The following CACNB2 variants were observed in gnomAD, a reference collection of about 807,000 sequenced individuals.
CACNB2 encodes voltage-dependent L-type calcium channel subunit beta-2.
In CACNB2, 42 loss-of-function variants were observed where a neutral mutation model predicts 73.3. The ratio of observed to expected loss-of-function variants is 0.57; its 90% CI spans 0.45 to 0.74. The LOEUF (loss-of-function observed/expected upper bound fraction) is 0.74, where lower values mean the gene tolerates loss of function less well. CACNB2 is among the 30% of genes least tolerant of loss of function. CACNB2 has a pLI of 0.00. For missense variants in CACNB2, 940 were observed against 853.0 expected (o/e 1.10, Z -1.27); for synonymous variants, 348 against 310.3 (o/e 1.12, Z -1.28).
chr10:18,211,690 C>T, intron 2 of CACNB2, among the ~76,000 whole-genome samples: 1 of 152,160 alleles, frequency 6.6e-6, no homozygotes, highest in East Asian at 1.9e-4. Flanking sequence ...TAGCGGAATA[C>T]TGTAGTGTGC....
At chr10:18,465,254 T>C (rs2132707066) in intron 3 of CACNB2, among the ~76,000 whole-genome samples, 1 of 152,298 alleles carries the variant, frequency 6.6e-6, no homozygotes, top group South Asian at 2.1e-4. Context: ...TGCTTGAACC[T>C]GGGAGTGGGA....
At chr10:18,533,989 A>C (rs187182606) in intron 10 of CACNB2, 87 bp from the exon 11 acceptor site, 1 of 1,264,484 alleles carries the variant, frequency 7.9e-7, no homozygotes, top group East Asian at 2.3e-5. Context: ...TGGCTGACCT[A>C]CTCACCTTTC....
At chr10:18,507,024 C>A (rs572163118) in intron 6 of CACNB2, among the ~76,000 whole-genome samples, 9 of 152,288 alleles carry the variant, frequency 5.9e-5, no homozygotes, top group Non-Finnish European at 1.2e-4. Flanking sequence ...GTCTCGAACT[C>A]CTGAGTTCAA....
In CACNB2 at chr10:18,459,626, C is replaced by T. The variant is rs550503082; in HGVS notation, c.334-38729C>T. Among the ~76,000 whole-genome samples the T allele has an allele frequency of 1.3e-4, 20 of 152,272 alleles. No individual in the cohort carries two copies. The South Asian group carries it at 4.1e-3, about 32-fold the overall frequency. Reference sequence around the variant, plus strand: ...TTCTCCCTTTTTTATTATTATGTATCATATTATTGCTAACTAAAAAGATCC... The same window carrying T: ...TTCTCCCTTTTTTATTATTATGTATTATATTATTGCTAACTAAAAAGATCC... On this transcript the variant is annotated intron_variant, in intron 3 of 13. Coordinates refer to ENST00000324631, the MANE Select transcript of CACNB2 (RefSeq NM_201596.3).
chr10:18,353,646 G>A (rs188115526), intron 2 of CACNB2, among the ~76,000 whole-genome samples: 1 of 152,276 alleles, frequency 6.6e-6, no homozygotes, highest in Admixed American at 6.5e-5. Flanking sequence ...GCACATGGTT[G>A]ATAAGAAAGA....
At chr10:18,180,088 G>A (rs892928753) in intron 2 of CACNB2, among the ~76,000 whole-genome samples, 2 of 152,150 alleles carry the variant, frequency 1.3e-5, no homozygotes, top group South Asian at 4.1e-4. Context: ...GTATCAGCGT[G>A]TATTTATGCA....
At chr10:18,358,537 TCTCTCTCTCTCTCTCG>T (rs1225607922) in intron 2 of CACNB2, among the ~76,000 whole-genome samples, 840 of 34,330 alleles carry the variant, frequency 0.024, 36 homozygotes, top group Middle Eastern at 0.043. Flanking sequence ...TCTCTCTCTC[TCTCTCTCTCTCTCTCG>T]CTCTCTCTCT....
chr10:18,460,658 A>G (rs1288645709), intron 3 of CACNB2, among the ~76,000 whole-genome samples: 1 of 152,112 alleles, frequency 6.6e-6, no homozygotes, highest in Non-Finnish European at 1.5e-5. Flanking sequence ...TGGGAGGTCA[A>G]GGCGGGAAGA....
chr10:18,224,067 GCTT>G (rs1332430420), intron 2 of CACNB2, among the ~76,000 whole-genome samples: 1 of 151,740 alleles, frequency 6.6e-6, no homozygotes, highest in East Asian at 1.9e-4. Flanking sequence ...GATAAGGACT[GCTT>G]TTAGGTGGCC....
intron 3 of CACNB2, among the ~76,000 whole-genome samples, chr10:18,497,104 C>G (rs556791235): frequency 6.7e-6 from 1 of 149,912 alleles, no homozygotes; most frequent in Non-Finnish European, 1.5e-5. Context: ...CCAAGCTACT[C>G]GGGAGGCTGA....
intron 1 of CACNB2, chr10:18,141,128 T>C: frequency 6.5e-7 from 1 of 1,546,954 alleles, no homozygotes; most frequent in Middle Eastern, 1.8e-4. Flanking sequence ...TTCTCCCGGG[T>C]TGCTCCAGCT....
At chr10:18,230,228 G>A (rs2036173070) in intron 2 of CACNB2, among the ~76,000 whole-genome samples, 1 of 152,176 alleles carries the variant, frequency 6.6e-6, no homozygotes, top group African/African-American at 2.4e-5. Context: ...AGAAGAAAAA[G>A]TAATAGAAAT....
intron 2 of CACNB2, among the ~76,000 whole-genome samples, chr10:18,221,944 G>C (rs1192808931): frequency 6.6e-6 from 1 of 152,190 alleles, no homozygotes; most frequent in Non-Finnish European, 1.5e-5. Flanking sequence ...CTTTATAGAA[G>C]TATTTCATCT....
intron 4 of CACNB2, among the ~76,000 whole-genome samples, chr10:18,500,399 G>T (rs143058429): frequency 6.6e-6 from 1 of 152,100 alleles, no homozygotes; most frequent in Non-Finnish European, 1.5e-5. Context: ...AATATTTAAG[G>T]TACACTTCAA....
intron 2 of CACNB2, among the ~76,000 whole-genome samples, chr10:18,383,450 G>A (rs886295880): frequency 3.3e-5 from 5 of 152,158 alleles, no homozygotes; most frequent in Non-Finnish European, 5.9e-5. Context: ...CTAGGGTTGT[G>A]GTAGTGGAGT....
At chr10:18,158,225 G>A (rs1488569071) in intron 2 of CACNB2, among the ~76,000 whole-genome samples, 5 of 152,202 alleles carry the variant, frequency 3.3e-5, no homozygotes, top group African/African-American at 1.2e-4. Flanking sequence ...TCTGGGTAAA[G>A]TTAGGCATAT....
At chr10:18,504,859 G>C (rs1385856045) in intron 5 of CACNB2, among the ~76,000 whole-genome samples, 1 of 152,160 alleles carries the variant, frequency 6.6e-6, no homozygotes, top group Non-Finnish European at 1.5e-5. Flanking sequence ...TGGCCAGGCT[G>C]GTCTCAAACT....
chr10:18,201,251 C>T (rs151120966), intron 2 of CACNB2, among the ~76,000 whole-genome samples: 11 of 151,416 alleles, frequency 7.3e-5, no homozygotes, highest in Non-Finnish European at 1.0e-4. Flanking sequence ...TCTCACATAC[C>T]TGCCTTATAA....
intron 3 of CACNB2, among the ~76,000 whole-genome samples, chr10:18,481,281 C>CAG (rs2048758969): frequency 5.4e-5 from 5 of 93,014 alleles, no homozygotes; most frequent in Admixed American, 3.3e-4. Context: ...GAGTCTTGCT[C>CAG]TGTCTCCCAG....
Sources: gnomAD v4.1 joint callset for allele counts (sites outside exome capture counted in the v4.1 genomes callset) on GRCh38, gnomAD v4.1.1 for gene constraint, MANE v1.5 for transcripts, NCBI Gene and HGNC (gene_info 2026-07-23, HGNC 2026-07-21) for gene names.